The following CDH18 variants were observed in gnomAD, a reference collection of about 807,000 sequenced individuals.
CDH18 encodes the protein cadherin-18.
CDH18 carries 31 observed loss-of-function variants against 67.9 expected under a neutral mutation model. The ratio of observed to expected loss-of-function variants is 0.46; its 90% confidence interval spans 0.34 to 0.62. The LOEUF (loss-of-function observed/expected upper bound fraction) is 0.62, where lower values mean the gene tolerates loss of function less well. Among genes scored for constraint, CDH18 ranks in the 20% least tolerant of loss-of-function variants. The pLI, the probability that CDH18 is intolerant of heterozygous loss-of-function variation, is 0.01. For missense variants in CDH18, 890 were observed against 975.5 expected, an observed-to-expected ratio of 0.91 and a Z score of 1.17; for synonymous variants, 362 against 347.2, an observed-to-expected ratio of 1.04 and a Z score of -0.48.
At chr5:20,198,775 G>A (rs1739199217) in intron 2 of CDH18, among the ~76,000 whole-genome samples, 1 of 152,140 alleles carries the variant, frequency 6.6e-6, no homozygotes, top group Non-Finnish European at 1.5e-5. Flanking sequence ...TCCTGGGCCT[G>A]GCCCAGGGCC....
intron 8 of CDH18, among the ~76,000 whole-genome samples, chr5:19,567,504 C>T (rs542519589): frequency 3.3e-4 from 50 of 152,176 alleles, no homozygotes; most frequent in Non-Finnish European, 4.9e-4. Context: ...TTTCAATGTG[C>T]TTTTCCTTAA....
At chr5:19,907,608 C>G (rs1790672224) in intron 2 of CDH18, among the ~76,000 whole-genome samples, 1 of 151,754 alleles carries the variant, frequency 6.6e-6, no homozygotes, top group African/African-American at 2.4e-5. Flanking sequence ...ATTAAGGATG[C>G]TCAATCTGAG....
chr5:20,172,077 C>G (rs566485744), intron 2 of CDH18, among the ~76,000 whole-genome samples: 1 of 148,236 alleles, frequency 6.7e-6, no homozygotes, highest in African/African-American at 2.5e-5. Flanking sequence ...AGAACTGAAA[C>G]GTTTAGTAAC....
At chr5:20,307,523 G>T (rs1320056811) in intron 1 of CDH18, among the ~76,000 whole-genome samples, 2 of 152,164 alleles carry the variant, frequency 1.3e-5, no homozygotes, top group Non-Finnish European at 2.9e-5. Context: ...CACTAGAGAA[G>T]ACATGAATTC....
At chr5:20,454,077 G>A (rs1422565512) in intron 1 of CDH18, among the ~76,000 whole-genome samples, 1 of 152,090 alleles carries the variant, frequency 6.6e-6, no homozygotes, top group Non-Finnish European at 1.5e-5. Context: ...TCTGAGTGTG[G>A]ATAAAATGAG....
intron 1 of CDH18, among the ~76,000 whole-genome samples, chr5:20,320,926 G>T (rs988944374): frequency 7.9e-5 from 12 of 152,030 alleles, no homozygotes; most frequent in African/African-American, 2.7e-4. Context: ...GAAACCTATT[G>T]TAGCTGTTTG....
chr5:19,585,509 T>C (rs1234405803), intron 7 of CDH18, among the ~76,000 whole-genome samples: 2 of 152,172 alleles, frequency 1.3e-5, no homozygotes, highest in African/African-American at 4.8e-5. Flanking sequence ...CATACTATCT[T>C]AGGTTGTTTC....
chr5:19,762,074 C>T (rs1772433794), intron 3 of CDH18, among the ~76,000 whole-genome samples: 1 of 152,104 alleles, frequency 6.6e-6, no homozygotes, highest in African/African-American at 2.4e-5. Flanking sequence ...TTCCTTGCAC[C>T]TTACACAAAA....
chr5:19,991,112 C>A (rs1360768751), upstream of CDH18, among the ~76,000 whole-genome samples: 2 of 152,112 alleles, frequency 1.3e-5, no homozygotes, highest in African/African-American at 4.8e-5. Context: ...AAACTATGAT[C>A]ATTTTCTGAG....
intron 1 of CDH18, among the ~76,000 whole-genome samples, chr5:20,555,398 A>G: frequency 9.6e-6 from 1 of 104,154 alleles, no homozygotes; most frequent in East Asian, 2.5e-4. Context: ...AACCACCAAG[A>G]CAAGCTTTTC....
chr5:19,748,742 AAC>A (rs1251633432), intron 3 of CDH18, among the ~76,000 whole-genome samples: 4 of 152,164 alleles, frequency 2.6e-5, no homozygotes, highest in Admixed American at 6.5e-5. Flanking sequence ...ACATTTGGAA[AAC>A]ACAAAATACA....
intron 2 of CDH18, among the ~76,000 whole-genome samples, chr5:20,114,153 T>C (rs1484898256): frequency 6.6e-6 from 1 of 152,228 alleles, no homozygotes; most frequent in Admixed American, 6.5e-5. Context: ...TAACTTACTA[T>C]CTGAATCAAG....
intron 5 of CDH18, among the ~76,000 whole-genome samples, chr5:19,683,274 A>G (rs912955151): frequency 2.0e-5 from 3 of 151,976 alleles, no homozygotes; most frequent in Admixed American, 6.6e-5. Context: ...GTAATTAAAA[A>G]CCATACTGTA....
At chr5:20,218,960 T>C (rs1741001286) in intron 2 of CDH18, among the ~76,000 whole-genome samples, 1 of 151,388 alleles carries the variant, frequency 6.6e-6, no homozygotes. Flanking sequence ...TGATGTAACA[T>C]AAGAATTAGA....
At chr5:20,317,061 T>C (rs1737533102) in intron 1 of CDH18, among the ~76,000 whole-genome samples, 1 of 152,064 alleles carries the variant, frequency 6.6e-6, no homozygotes, top group African/African-American at 2.4e-5. Context: ...GATATTTTAT[T>C]AATCATAAAA....
chr5:19,966,668 T>G (rs1797468317), intron 2 of CDH18, among the ~76,000 whole-genome samples: 1 of 152,066 alleles, frequency 6.6e-6, no homozygotes, highest in South Asian at 2.1e-4. Flanking sequence ...GCTCAAAGCC[T>G]GTTTTTTTTC....
chr5:19,516,894 T>A (rs1045571768), intron 10 of CDH18, among the ~76,000 whole-genome samples: 2 of 152,044 alleles, frequency 1.3e-5, no homozygotes, highest in African/African-American at 2.4e-5. Context: ...GAAGGATGTC[T>A]TTGTTGGTTC....
intron 1 of CDH18, among the ~76,000 whole-genome samples, chr5:20,523,292 T>C (rs540663226): frequency 6.6e-6 from 1 of 152,346 alleles, no homozygotes; most frequent in African/African-American, 2.4e-5. Flanking sequence ...ACATTTTAAT[T>C]GGTCTGTAAG....
rs565621314 is a variant in CDH18 at position 20,539,776 on chromosome 5, ACACACCC to A, written c.-580+35679_-580+35685del. Reference sequence around the variant, plus strand: ...CACACAAACACACACACACACACACACACACCCTCCCTAGAAAAGAATAAACACAACC... The same window carrying A: ...CACACAAACACACACACACACACACATCCCTAGAAAAGAATAAACACAACC... On this transcript the variant is annotated intron_variant, in intron 1 of 14. Transcript: ENST00000507958. Among the ~76,000 whole-genome samples the A allele has an allele frequency of 2.8e-3, 422 of 151,710 alleles. 1 individual carries two copies. Among genetic ancestry groups the A allele is most frequent in the African/African-American group, 9.8e-3 (404 of 41,390 alleles).
Sources: gnomAD v4.1 joint callset for allele counts (sites outside exome capture counted in the v4.1 genomes callset) on GRCh38, gnomAD v4.1.1 for gene constraint, MANE v1.5 for transcripts, NCBI Gene and HGNC (gene_info 2026-07-23, HGNC 2026-07-21) for gene names.